The following GOLGB1 variants were observed in gnomAD, a reference collection of about 807,000 sequenced individuals.
GOLGB1 encodes golgin subfamily B member 1.
A neutral mutation model predicts 336.9 loss-of-function variants in GOLGB1; 174 were observed. The observed-to-expected ratio is 0.52, with a 90% CI of 0.46 to 0.59. GOLGB1 has a LOEUF of 0.59. GOLGB1 is among the 20% of genes least tolerant of loss of function. The pLI is 0.00. For synonymous variants in GOLGB1, 1,208 were observed against 1,289.2 expected (o/e 0.94, Z 1.35); for missense variants, 3,331 against 3,645.3 (o/e 0.91, Z 2.22).
In GOLGB1 at chr3:121,664,404, G is replaced by T; in HGVS notation, c.*76C>A. ...CTGTAAATGGGAAGACTGTTCCACT[G>T]GAATTGATGTTCTGATGTTAGAGGT... is the stretch of plus-strand genomic sequence containing the variant. On this transcript the variant is annotated 3_prime_UTR_variant, in exon 22 of 22. Transcript: ENST00000614479. 1.6e-6 allele frequency: 2 copies of T among 1,260,078 alleles called. No individual in the cohort carries two copies. Among genetic ancestry groups the T allele is most frequent in the Non-Finnish European group, 2.3e-6 (2 of 860,682 alleles). 78.1% of individuals were successfully genotyped at this position (1,260,078 alleles called of 1,614,324 possible).
rs114359059 is a variant in GOLGB1 at position 121,736,288 on chromosome 3, G to T, written c.-2-5315C>A. On this transcript the variant is annotated intron_variant, in intron 1 of 21. Coordinates refer to ENST00000614479, the MANE Select transcript of GOLGB1 (RefSeq NM_001366282.2). Reference sequence around the variant, plus strand: ...TTCCAAAGAATAGAATATGAAAAAAGAAAAACAGCAACATCAGAGTGGTGA... The same window carrying T: ...TTCCAAAGAATAGAATATGAAAAAATAAAAACAGCAACATCAGAGTGGTGA... 6.1e-3 allele frequency among the ~76,000 whole-genome samples: 926 copies of T among 152,172 alleles called. 17 individuals carry two copies. The highest frequency in any genetic ancestry group is 0.021 in the African/African-American group (891 of 41,532).
chr3:121,727,978 G>C (rs1490947680), intron 4 of GOLGB1, among the ~76,000 whole-genome samples: 1 of 152,078 alleles, frequency 6.6e-6, no homozygotes, highest in African/African-American at 2.4e-5. Context: ...ACTGCTTTAA[G>C]GTCTCAGAGC....
intron 1 of GOLGB1, among the ~76,000 whole-genome samples, chr3:121,741,279 T>G (rs1220862389): frequency 1.3e-5 from 2 of 152,060 alleles, no homozygotes; most frequent in African/African-American, 4.8e-5. Context: ...TGGTGAGCAT[T>G]AAATATACGG....
intron 10 of GOLGB1, among the ~76,000 whole-genome samples, chr3:121,709,614 C>G (rs1478981983): frequency 2.0e-5 from 3 of 152,024 alleles, no homozygotes; most frequent in African/African-American, 7.2e-5. Flanking sequence ...CACAGAGAAA[C>G]TTAGAAAAAT....
At chr3:121,745,345 C>T (rs1038905971) in intron 1 of GOLGB1, among the ~76,000 whole-genome samples, 14 of 127,400 alleles carry the variant, frequency 1.1e-4, no homozygotes, top group African/African-American at 1.5e-4. Context: ...TACATATGTA[C>T]ACGTGTATGT....
intron 4 of GOLGB1, among the ~76,000 whole-genome samples, chr3:121,728,476 T>C (rs1284109876): frequency 6.6e-6 from 1 of 152,228 alleles, no homozygotes; most frequent in African/African-American, 2.4e-5. Context: ...CCTGCCTCCA[T>C]ATAATCTGTA....
At chr3:121,725,788 G>A (rs934104556) in intron 5 of GOLGB1, among the ~76,000 whole-genome samples, 2 of 152,034 alleles carry the variant, frequency 1.3e-5, no homozygotes, top group South Asian at 2.1e-4. Flanking sequence ...TTAATGGGTT[G>A]TCATAGAAGG....
chr3:121,701,665 C>T (rs1943421622), intron 11 of GOLGB1, among the ~76,000 whole-genome samples: 1 of 152,090 alleles, frequency 6.6e-6, no homozygotes, highest in South Asian at 2.1e-4. Context: ...TAACTGTTCA[C>T]ACACAATCCA....
intron 17 of GOLGB1, among the ~76,000 whole-genome samples, chr3:121,670,755 TG>T (rs398038351): frequency 0.054 from 4,274 of 78,860 alleles, 205 homozygotes; most frequent in African/African-American, 0.14. Flanking sequence ...GGTTTTCTTT[TG>T]GGGGGGGGGG....
Position 121,697,119 on chromosome 3 carries a change from G to A in GOLGB1, c.3404C>T (p.Thr1135Met), listed in dbSNP as rs769536753. ...AIIQKLITSN[T>M]DASDGDSVAL... Reference sequence around the variant, plus strand: ...TACGGAGTCCCCATCACTTGCATCCGTGTTACTTGTGATTAACTTCTGGAT... The same window carrying A: ...TACGGAGTCCCCATCACTTGCATCCATGTTACTTGTGATTAACTTCTGGAT... Residue 1135 changes from threonine (T) to methionine (M), a missense_variant, in exon 13 of 22, where the codon ACG (threonine) becomes ATG (methionine). Physicochemically the swap from Thr to Met is moderately conservative, Grantham distance 81. Coordinates refer to ENST00000614479, the MANE Select transcript of GOLGB1 (RefSeq NM_001366282.2). 2.4e-5 allele frequency: 39 copies of A among 1,613,886 alleles called. No individual in the cohort carries two copies. The highest frequency in any genetic ancestry group is 2.0e-4 in the East Asian group (9 of 44,882).
Position 121,676,930 on chromosome 3 carries a change from T to C in GOLGB1, c.9140A>G (p.His3047Arg). 2 of 1,613,828 alleles carry C rather than the reference T, an allele frequency of 1.2e-6. No homozygotes were observed. The highest frequency in any genetic ancestry group is 1.7e-6 in the Non-Finnish European group (2 of 1,179,692). ...TTGCTGAATTCTTAACTCCTTTTGGTGAATTTCCTTTAAGCTGTCATTGAG... is the reference window on the plus strand; with the variant it reads ...TTGCTGAATTCTTAACTCCTTTTGGCGAATTTCCTTTAAGCTGTCATTGAG... ...TQLNDSLKEI[H>R]QKELRIQQLN... Residue 3047 changes from histidine (H) to arginine (R), a missense_variant, in exon 17 of 22, where the codon CAC becomes CGC. His to Arg is a conservative substitution (Grantham distance 29). Transcript: ENST00000614479.
intron 13 of GOLGB1, 117 bp from the exon 14 acceptor site, chr3:121,692,698 G>T: frequency 1.7e-6 from 1 of 598,928 alleles, no homozygotes; most frequent in Non-Finnish European, 2.8e-6. Context: ...ATTCATAACA[G>T]GTGTTAAATA....
intron 1 of GOLGB1, among the ~76,000 whole-genome samples, chr3:121,746,895 G>A (rs934155727): frequency 6.6e-6 from 1 of 151,632 alleles, no homozygotes; most frequent in Admixed American, 6.6e-5. Context: ...CACATAGTTC[G>A]ACAAAGCTTC....
chr3:121,742,609 T>C (rs569025404), intron 1 of GOLGB1, among the ~76,000 whole-genome samples: 219 of 152,096 alleles, frequency 1.4e-3, no homozygotes, highest in African/African-American at 5.1e-3. Flanking sequence ...AAAGCCAAAA[T>C]AGACAAATGG....
At chr3:121,747,411 A>G (rs1329746842) in intron 1 of GOLGB1, among the ~76,000 whole-genome samples, 1 of 146,424 alleles carries the variant, frequency 6.8e-6, no homozygotes, top group Non-Finnish European at 1.5e-5. Flanking sequence ...ATACGTATAT[A>G]TATGTATATA....
chr3:121,730,354 C>T (rs534619212), intron 2 of GOLGB1: 51 of 203,278 alleles, frequency 2.5e-4, no homozygotes, highest in South Asian at 7.7e-4. Flanking sequence ...TTAACCACTA[C>T]GCATTACTTC....
chr3:121,732,530 C>T (rs762299085), intron 1 of GOLGB1, among the ~76,000 whole-genome samples: 4 of 152,026 alleles, frequency 2.6e-5, no homozygotes, highest in Non-Finnish European at 4.4e-5. Context: ...ACATCACAAC[C>T]AAGTGGGGTT....
intron 1 of GOLGB1, among the ~76,000 whole-genome samples, chr3:121,735,671 T>A (rs973098006): frequency 1.2e-4 from 19 of 152,234 alleles, no homozygotes; most frequent in Non-Finnish European, 1.8e-4. Flanking sequence ...GAGTCAGAGA[T>A]ATCAGTATGA....
intron 1 of GOLGB1, among the ~76,000 whole-genome samples, chr3:121,741,288 G>T (rs748856449): frequency 6.6e-6 from 1 of 151,956 alleles, no homozygotes; most frequent in East Asian, 1.9e-4. Context: ...TTAAATATAC[G>T]GTTACTAACA....
Sources: gnomAD v4.1 joint callset for allele counts (sites outside exome capture counted in the v4.1 genomes callset) on GRCh38, gnomAD v4.1.1 for gene constraint, MANE v1.5 for transcripts, NCBI Gene and HGNC (gene_info 2026-07-23, HGNC 2026-07-21) for gene names.